TLK2: variants seen among roughly 807,000 people sequenced by gnomAD.
TLK2 encodes tousled like kinase 2, also known as serine/threonine-protein kinase tousled-like 2.
TLK2 carries 6 observed loss-of-function variants against 117.3 expected under a neutral mutation model. The ratio of observed to expected loss-of-function variants is 0.05; its 90% CI spans 0.03 to 0.10. The LOEUF (loss-of-function observed/expected upper bound fraction) is 0.10, where lower values mean the gene tolerates loss of function less well. Ranked by LOEUF, TLK2 falls within the 10% of genes least tolerant of loss-of-function variation. The probability of loss-of-function intolerance (pLI) is 1.00; values close to 1 mark genes in which losing one functional copy is unlikely to be tolerated. For missense variants in TLK2, 299 were observed against 901.2 expected (o/e 0.33, Z 8.56); for synonymous variants, 257 against 316.7 (o/e 0.81, Z 2.00).
intron 6 of TLK2, among the ~76,000 whole-genome samples, chr17:62,535,564 C>T (rs546678472): frequency 3.3e-5 from 5 of 151,884 alleles, no homozygotes; most frequent in South Asian, 2.1e-4. Flanking sequence ...GTCAGGAGTT[C>T]GAGACCAGCC....
At chr17:62,560,506 T>C (rs1475187219) in intron 10 of TLK2, among the ~76,000 whole-genome samples, 2 of 151,242 alleles carry the variant, frequency 1.3e-5, no homozygotes, top group South Asian at 2.1e-4. Flanking sequence ...GAATAACTTA[T>C]GTATATAATA....
intron 15 of TLK2, among the ~76,000 whole-genome samples, chr17:62,581,507 C>T (rs1163161329): frequency 1.3e-5 from 2 of 149,988 alleles, no homozygotes; most frequent in Admixed American, 6.7e-5. Context: ...AGTGCAGTCT[C>T]GGCTCACTGC....
intron 21 of TLK2, among the ~76,000 whole-genome samples, chr17:62,610,777 A>T (rs1402076748): frequency 1.3e-5 from 2 of 152,138 alleles, no homozygotes; most frequent in African/African-American, 2.4e-5. Context: ...TGCAGGTTTT[A>T]ATCAGGGCAA....
chr17:62,581,319 T>C (rs1056899749), intron 15 of TLK2, among the ~76,000 whole-genome samples: 1 of 152,216 alleles, frequency 6.6e-6, no homozygotes, highest in African/African-American at 2.4e-5. Context: ...TTATTAAGTA[T>C]ATGTTTCAGT....
chr17:62,615,001 G>A lies in TLK2; in HGVS notation c.*2436G>A, dbSNP rs776962724. 7 of 151,962 alleles carry A rather than the reference G, an allele frequency of 4.6e-5. No individual in the cohort carries two copies. The highest frequency in any genetic ancestry group is 1.3e-4 in the Admixed American group (2 of 15,248). The allele number at this position is 151,962 out of a possible 1,614,324, so 9.4% of individuals were successfully genotyped here. On this transcript the variant is annotated 3_prime_UTR_variant, in exon 22 of 22. Coordinates refer to ENST00000346027, the MANE Select transcript of TLK2 (RefSeq NM_006852.6). The stretch of plus-strand genomic sequence containing the variant: ...TTTTTTAACGTTGAAAAAATGCTGC[G>A]TCTTTCTTTAAGCCTTCCCAGTAAC...
At chr17:62,552,081 A>G in intron 7 of TLK2, 1 of 574,180 alleles carries the variant, frequency 1.7e-6, no homozygotes. Context: ...GATACTTTAA[A>G]CCTGTTTACA....
chr17:62,536,100 C>T, intron 6 of TLK2, 70 bp from the exon 7 acceptor site: 5 of 1,517,464 alleles, frequency 3.3e-6, no homozygotes, highest in South Asian at 1.3e-5. Context: ...TGTTTTTAAC[C>T]CGTTGCATGT....
intron 11 of TLK2, among the ~76,000 whole-genome samples, chr17:62,570,677 G>C (rs900604404): frequency 1.3e-5 from 2 of 152,238 alleles, no homozygotes; most frequent in African/African-American, 4.8e-5. Context: ...CAGCTTTCAT[G>C]TTCAAACTTT....
intron 7 of TLK2, among the ~76,000 whole-genome samples, chr17:62,540,847 C>T (rs867978017): frequency 2.0e-5 from 3 of 152,204 alleles, no homozygotes; most frequent in African/African-American, 7.2e-5. Context: ...TGTGTTGAAA[C>T]GTAAGTCCAG....
At chr17:62,581,951 A>G (rs1207580195) in intron 15 of TLK2, among the ~76,000 whole-genome samples, 1 of 151,742 alleles carries the variant, frequency 6.6e-6, no homozygotes, top group Non-Finnish European at 1.5e-5. Flanking sequence ...GTTGACTCAT[A>G]AAAATTCTTG....
At chr17:62,477,173 CCTCA>C (rs1485930687), upstream of TLK2, among the ~76,000 whole-genome samples, 1 of 152,174 alleles carries the variant, frequency 6.6e-6, no homozygotes, top group Non-Finnish European at 1.5e-5. Flanking sequence ...AAAGACCTAG[CCTCA>C]CTGTCTTTTG....
At chr17:62,590,457 C>T (rs1451201994) in intron 16 of TLK2, among the ~76,000 whole-genome samples, 2 of 152,092 alleles carry the variant, frequency 1.3e-5, no homozygotes, top group Non-Finnish European at 1.5e-5. Context: ...ACAAAAACAG[C>T]AGCACGCTTA....
chr17:62,583,958 C>G (rs886362880), intron 15 of TLK2, among the ~76,000 whole-genome samples: 26 of 152,070 alleles, frequency 1.7e-4, no homozygotes, highest in Admixed American at 1.4e-3. Context: ...CTGTTCTCCA[C>G]TCTCCACAAT....
At chr17:62,476,369 G>T (rs572407024), upstream of TLK2, among the ~76,000 whole-genome samples, 3 of 151,552 alleles carry the variant, frequency 2.0e-5, no homozygotes, top group Non-Finnish European at 2.9e-5. Flanking sequence ...GGATCACGAG[G>T]TCAGGAGTTC....
At chr17:62,491,080 A>C (rs2073064378) in intron 2 of TLK2, among the ~76,000 whole-genome samples, 4 of 152,056 alleles carry the variant, frequency 2.6e-5, no homozygotes, top group Admixed American at 1.3e-4. Flanking sequence ...TGGATTCTTG[A>C]CTTCTTACAG....
intron 2 of TLK2, among the ~76,000 whole-genome samples, chr17:62,503,115 A>C (rs2074352580): frequency 7.6e-6 from 1 of 131,322 alleles, no homozygotes; most frequent in African/African-American, 2.9e-5. Flanking sequence ...GCTGGAGTGC[A>C]GTGGCGCGAT....
At chr17:62,544,946 T>C (rs1475836951) in intron 7 of TLK2, among the ~76,000 whole-genome samples, 3 of 152,244 alleles carry the variant, frequency 2.0e-5, no homozygotes, top group Non-Finnish European at 2.9e-5. Flanking sequence ...ATTTATTCTT[T>C]TTACGCTATT....
At chr17:62,565,856 G>C (rs1392466708) in intron 11 of TLK2, among the ~76,000 whole-genome samples, 5 of 152,114 alleles carry the variant, frequency 3.3e-5, no homozygotes, top group African/African-American at 1.2e-4. Flanking sequence ...CCTGAGATAA[G>C]TTTAGGTATA....
At chr17:62,564,147 A>C (rs1366187293) in intron 10 of TLK2, among the ~76,000 whole-genome samples, 1 of 152,216 alleles carries the variant, frequency 6.6e-6, no homozygotes, top group South Asian at 2.1e-4. Context: ...TTAGGCCTGT[A>C]ATCTCAGCAC....
Sources: gnomAD v4.1 joint callset for allele counts (sites outside exome capture counted in the v4.1 genomes callset) on GRCh38, gnomAD v4.1.1 for gene constraint, MANE v1.5 for transcripts, NCBI Gene and HGNC (gene_info 2026-07-23, HGNC 2026-07-21) for gene names.